The following NHLRC2 variants were observed in gnomAD, a reference collection of about 807,000 sequenced individuals.
The protein encoded by NHLRC2 is NHL repeat-containing protein 2.
In NHLRC2, 33 loss-of-function variants were observed where a neutral mutation model predicts 68.1. The observed-to-expected ratio is 0.48, with a 90% confidence interval of 0.37 to 0.65. The LOEUF is 0.65. Among genes scored for constraint, NHLRC2 ranks in the 30% least tolerant of loss-of-function variants. NHLRC2 has a pLI of 0.00. For synonymous variants in NHLRC2, 311 were observed against 309.6 expected, an observed-to-expected ratio of 1.00 and a Z score of -0.05; for missense variants, 761 against 853.8, an observed-to-expected ratio of 0.89 and a Z score of 1.35.
At chr10:113,892,455 T>C (rs950001371) in intron 5 of NHLRC2, among the ~76,000 whole-genome samples, 7 of 152,154 alleles carry the variant, frequency 4.6e-5, no homozygotes, top group Non-Finnish European at 8.8e-5. Flanking sequence ...AGGTTTGTTG[T>C]GTAGGTGTAA....
In NHLRC2 at chr10:113,881,064, A is replaced by G. The variant is rs1846032592; in HGVS notation, c.909+1369A>G. Among the ~76,000 whole-genome samples, 3 of 151,850 alleles carry G rather than the reference A, an allele frequency of 2.0e-5. No individual in the cohort carries two copies. In the South Asian group the frequency reaches 6.2e-4, roughly 31 times the overall value. ...GTTTCCATGGTGTATATTTTAGGGA[A>G]AAGTGGTTTTTTAAATTACTAAATT... On this transcript the variant is annotated intron_variant, in intron 4 of 10. Transcript: ENST00000369301.
At position 113,877,007 on chromosome 10, in the gene NHLRC2, C is replaced by T. The variant is rs60158361; in HGVS notation, c.787+31C>T. 3,519 of 1,277,818 alleles carry T rather than the reference C, an allele frequency of 2.8e-3. 42 individuals are homozygous for T. The African/African-American group carries it at 0.037, about 13-fold the overall frequency. The allele number at this position is 1,277,818 out of a possible 1,614,324, so 79.2% of individuals were successfully genotyped here. A position where few individuals can be genotyped will look rare whatever the true frequency, so the allele number is the denominator to read the frequency against. ...ACTTGCTTCTGATTACGATAGATAA[C>T]GTGTTTTACAGTAAAAAAATAGTTC... On this transcript the variant is annotated intron_variant, in intron 3 of 10. Transcript: ENST00000369301.
chr10:113,886,866 A>G (rs1287214248), intron 5 of NHLRC2, among the ~76,000 whole-genome samples: 1 of 152,220 alleles, frequency 6.6e-6, no homozygotes, highest in East Asian at 1.9e-4. Context: ...GCAAAAATAG[A>G]CCAGTGGGAT....
intron 2 of NHLRC2, among the ~76,000 whole-genome samples, chr10:113,860,053 G>A (rs1365989068): frequency 2.0e-5 from 3 of 152,158 alleles, no homozygotes; most frequent in Non-Finnish European, 2.9e-5. Flanking sequence ...AAAAGTAAAA[G>A]GAGACAAAGG....
chr10:113,903,815 T>G, intron 9 of NHLRC2, 79 bp downstream of exon 9: 1 of 854,030 alleles, frequency 1.2e-6, no homozygotes, highest in East Asian at 2.5e-5. Context: ...GACAGAGGCA[T>G]TTTTGGTTAG....
intron 4 of NHLRC2, 116 bp downstream of exon 4, chr10:113,879,811 T>A (rs973476141): frequency 3.1e-6 from 2 of 641,876 alleles, no homozygotes; most frequent in African/African-American, 1.9e-5. Context: ...GTCCTTGTTC[T>A]GCTTTTCTTG....
At position 113,854,900 on chromosome 10, in the gene NHLRC2, A is replaced by AGCCTCTCCGGCC; in HGVS notation, c.29_40dup (p.Gly13_Leu14insArgLeuSerGly). The AGCCTCTCCGGCC allele has an allele frequency of 6.5e-7, 1 of 1,550,048 alleles. No individual in the cohort carries two copies. The highest frequency in any genetic ancestry group is 8.7e-7 in the Non-Finnish European group (1 of 1,146,692). ...GGCGGCGCCCGGAGGCCGGGGCCGC[A>AGCCTCTCCGGCC]GCCTCTCCGGCCTGCTCCCCGCGCA... On this transcript the variant is annotated inframe_insertion, in exon 1 of 11. Coordinates refer to ENST00000369301, the MANE Select transcript of NHLRC2 (RefSeq NM_198514.4).
intron 2 of NHLRC2, among the ~76,000 whole-genome samples, chr10:113,866,522 A>G (rs978786121): frequency 1.3e-5 from 2 of 152,148 alleles, no homozygotes; most frequent in African/African-American, 4.8e-5. Flanking sequence ...TGCTAGGTGT[A>G]TGTTAATGTA....
chr10:113,864,017 A>G (rs993194616), intron 2 of NHLRC2, among the ~76,000 whole-genome samples: 2 of 152,226 alleles, frequency 1.3e-5, no homozygotes, highest in Admixed American at 1.3e-4. Flanking sequence ...GGTGAGGAAA[A>G]TGTGGTGTGT....
intron 5 of NHLRC2, among the ~76,000 whole-genome samples, chr10:113,897,243 A>C (rs1180551354): frequency 6.6e-6 from 1 of 152,164 alleles, no homozygotes; most frequent in African/African-American, 2.4e-5. Flanking sequence ...GATTTATGGT[A>C]GATTTAACAG....
intron 5 of NHLRC2, among the ~76,000 whole-genome samples, chr10:113,885,490 G>A (rs1846073135): frequency 1.3e-5 from 2 of 151,942 alleles, no homozygotes; most frequent in Non-Finnish European, 1.5e-5. Context: ...TTATTACCAT[G>A]CATTAGCAAT....
At chr10:113,882,100 G>C (rs1368261847) in intron 4 of NHLRC2, among the ~76,000 whole-genome samples, 1 of 151,688 alleles carries the variant, frequency 6.6e-6, no homozygotes, top group Non-Finnish European at 1.5e-5. Context: ...TTGATATTTA[G>C]ATTGTGTTTT....
chr10:113,855,476 G>GT (rs375201644), intron 1 of NHLRC2, among the ~76,000 whole-genome samples: 2,212 of 149,262 alleles, frequency 0.015, 27 homozygotes, highest in African/African-American at 0.039. Context: ...GTTTTTTTTT[G>GT]TTTTTTTTTG....
chr10:113,901,574 T>G, intron 6 of NHLRC2, 92 bp from the exon 7 acceptor site: 1 of 816,830 alleles, frequency 1.2e-6, no homozygotes, highest in African/African-American at 1.7e-5. Context: ...GCTTATCACT[T>G]TTGATTTGAT....
At position 113,872,759 on chromosome 10, in the gene NHLRC2, G is replaced by A. The variant is rs552188139; in HGVS notation, c.332-3762G>A. On this transcript the variant is annotated intron_variant, in intron 2 of 10. Transcript: ENST00000369301. ...GGGAAACCCCAGAGAATGAAAATGA[G>A]CTAAAAAAAAAAAAAAAGTTAAAAG... Among the ~76,000 whole-genome samples the A allele has an allele frequency of 5.1e-3, 403 of 79,522 alleles. 2 individuals carry two copies. Among genetic ancestry groups the A allele is most frequent in the African/African-American group, 0.012 (392 of 31,940 alleles). The allele number at this position is 79,522 out of a possible 152,430, so 52.2% of individuals were successfully genotyped here.
At chr10:113,889,869 G>A (rs1248962448) in intron 5 of NHLRC2, among the ~76,000 whole-genome samples, 1 of 152,078 alleles carries the variant, frequency 6.6e-6, no homozygotes, top group Non-Finnish European at 1.5e-5. Context: ...TCAGTAATTT[G>A]TTCTCTTTTA....
At chr10:113,873,038 CAAAG>C (rs1289903292) in intron 2 of NHLRC2, among the ~76,000 whole-genome samples, 2 of 152,072 alleles carry the variant, frequency 1.3e-5, no homozygotes, top group Non-Finnish European at 2.9e-5. Context: ...CATTGAAAAA[CAAAG>C]AACGTAACTT....
chr10:113,864,674 C>T lies in NHLRC2; in HGVS notation c.331+5994C>T, dbSNP rs534527480. ...ATTGCGCCACTGAACTCTAGCCTTT[C>T]GACAGAGCAAGACTCCGTCTAAAAA... On this transcript the variant is annotated intron_variant, in intron 2 of 10. Transcript: ENST00000369301. Among the ~76,000 whole-genome samples the T allele has an allele frequency of 4.3e-4, 63 of 144,870 alleles. No homozygotes were observed. In the South Asian group the frequency reaches 8.4e-3, roughly 19 times the overall value.
At position 113,916,980 on chromosome 10, in the gene NHLRC2, G is replaced by C. The variant is rs1261588239; in HGVS notation, c.*8444G>C. ...CATTGTATTTCTACATTTATTTCAA[G>C]ACTGTACTTTTCAGTGACTTTTTCA... On this transcript the variant is annotated 3_prime_UTR_variant, in exon 11 of 11. Transcript: ENST00000369301. 1.3e-5 allele frequency: 2 copies of C among 152,220 alleles called. No homozygotes were observed. Among genetic ancestry groups the C allele is most frequent in the East Asian group, 3.9e-4 (2 of 5,180 alleles). The allele number at this position is 152,220 out of a possible 1,614,324, so 9.4% of individuals were successfully genotyped here.
Sources: gnomAD v4.1 joint callset for allele counts (sites outside exome capture counted in the v4.1 genomes callset) on GRCh38, gnomAD v4.1.1 for gene constraint, MANE v1.5 for transcripts, NCBI Gene and HGNC (gene_info 2026-07-23, HGNC 2026-07-21) for gene names.